The following TBC1D8B variants were observed in gnomAD, a reference collection of about 807,000 sequenced individuals.
TBC1D8B encodes the protein RP11-321G1.1.
A neutral mutation model predicts 82.9 loss-of-function variants in TBC1D8B; 75 were observed. That is an observed-to-expected ratio of 0.90 (90% CI 0.75 to 1.10). The LOEUF (loss-of-function observed/expected upper bound fraction) is 1.10, where lower values mean the gene tolerates loss of function less well. Among genes scored for constraint, TBC1D8B ranks in the 50% least tolerant of loss-of-function variants. The probability of loss-of-function intolerance (pLI) is 0.00; values close to 1 mark genes in which losing one functional copy is unlikely to be tolerated. For missense variants in TBC1D8B, 794 were observed against 796.9 expected (o/e 1.00, Z 0.04); for synonymous variants, 276 against 276.8 (o/e 1.00, Z 0.03).
chrX:106,823,592 G>A, intron 5 of TBC1D8B, 126 bp downstream of exon 5: 1 of 715,527 alleles, frequency 1.4e-6, no homozygotes, highest in Non-Finnish European at 2.0e-6. Context: ...AGTTGATTGT[G>A]GGTGTGTGTG....
Position 106,819,254 on chromosome X carries a change from G to A in TBC1D8B, c.241+481G>A, listed in dbSNP as rs775351755. Among the ~76,000 whole-genome samples, 6 of 110,858 alleles carry A rather than the reference G, an allele frequency of 5.4e-5. No individual in the cohort carries two copies. In the East Asian group the frequency reaches 1.7e-3, roughly 31 times the overall value. On this transcript the variant is annotated intron_variant, in intron 2 of 20. Transcript: ENST00000357242. The stretch of plus-strand genomic sequence containing the variant: ...TTCTCAGAAAAAGCATCATATCCTT[G>A]AAATATGAAGGAATGTCTTACAGTT...
At chrX:106,854,323 C>A (rs1375936354) in intron 14 of TBC1D8B, 27 bp downstream of exon 14, 15 of 1,010,289 alleles carry the variant, frequency 1.5e-5, no homozygotes, top group Non-Finnish European at 2.0e-5. Context: ...TGAGGAAAAA[C>A]CAGTTGGAGT....
In TBC1D8B at chrX:106,868,488, T is replaced by C. The variant is rs1932827965; in HGVS notation, c.2812+12T>C. The stretch of plus-strand genomic sequence containing the variant: ...CAGTCAGCTGCATGGTAAATACCTG[T>C]TTAAAATGTTAACTGTTTTGATGAT... On this transcript the variant is annotated intron_variant, in intron 18 of 20. Coordinates refer to ENST00000357242, the MANE Select transcript of TBC1D8B (RefSeq NM_017752.3). 5.2e-6 allele frequency: 5 copies of C among 959,217 alleles called. No individual in the cohort carries two copies. In the East Asian group the frequency reaches 1.9e-4, roughly 36 times the overall value. The allele number at this position is 959,217 out of a possible 1,213,427, so 79.1% of individuals were successfully genotyped here.
chrX:106,822,348 G>T, intron 4 of TBC1D8B, 146 bp downstream of exon 4: 1 of 494,685 alleles, frequency 2.0e-6, no homozygotes, highest in East Asian at 3.8e-5. Context: ...TCTAGGGAAA[G>T]AACTCTTTTA....
intron 12 of TBC1D8B, among the ~76,000 whole-genome samples, chrX:106,852,599 G>A (rs1270429830): frequency 5.4e-5 from 6 of 110,661 alleles, no homozygotes; most frequent in African/African-American, 2.0e-4. Flanking sequence ...TGTATAAGGT[G>A]TAAGGAAGGG....
chrX:106,853,697 G>C, intron 13 of TBC1D8B, 47 bp downstream of exon 13: 1 of 1,106,540 alleles, frequency 9.0e-7, no homozygotes, highest in South Asian at 1.9e-5. Flanking sequence ...TATTTAAAAT[G>C]ATTGAACTAT....
chrX:106,850,191 C>T lies in TBC1D8B; in HGVS notation c.2004C>T (p.Asp668=), dbSNP rs1932557868. Residue 668 remains aspartate, a synonymous_variant, in exon 12 of 21, where the codon GAC becomes GAT. Coordinates refer to ENST00000357242, the MANE Select transcript of TBC1D8B (RefSeq NM_017752.3). ...LPIESAVNVV[D]CFFYDGIKAI... Reference sequence around the variant, plus strand: ...TTGAAAGTGCAGTGAATGTGGTGGACTGTTTCTTCTATGATGGAATAAAGG... The same window carrying T: ...TTGAAAGTGCAGTGAATGTGGTGGATTGTTTCTTCTATGATGGAATAAAGG... 1 of 1,211,330 alleles carries T rather than the reference C, an allele frequency of 8.3e-7. No homozygotes were observed. The highest frequency in any genetic ancestry group is 1.1e-6 in the Non-Finnish European group (1 of 895,392).
chrX:106,820,938 C>T lies in TBC1D8B; in HGVS notation c.303C>T (p.Thr101=), dbSNP rs775470458. The T allele has an allele frequency of 3.4e-6, 4 of 1,184,191 alleles. No individual in the cohort carries two copies. The highest frequency in any genetic ancestry group is 4.5e-6 in the Non-Finnish European group (4 of 882,666). Residue 101 remains threonine, a synonymous_variant, in exon 3 of 21, where the codon ACC becomes ACT. Transcript: ENST00000357242. ...WDWLEQNIMK[T]LSVFDSNEDI... ...GGTTGGAACAAAATATTATGAAGACCTTATCTGTATTTGATTCAAATGAAG... is the reference window on the plus strand; with the variant it reads ...GGTTGGAACAAAATATTATGAAGACTTTATCTGTATTTGATTCAAATGAAG...
chrX:106,817,199 G>A (rs192800407), intron 1 of TBC1D8B, among the ~76,000 whole-genome samples: 14 of 111,240 alleles, frequency 1.3e-4, no homozygotes, highest in Admixed American at 1.2e-3. Context: ...TATCCTTATT[G>A]TGCAGCAATA....
intron 1 of TBC1D8B, among the ~76,000 whole-genome samples, chrX:106,803,444 A>G (rs1019296914): frequency 8.0e-3 from 21 of 2,637 alleles, no homozygotes; most frequent in African/African-American, 0.013. Context: ...TGGTGAGGAG[A>G]AAGGGAGGCG....
intron 19 of TBC1D8B, 148 bp downstream of exon 19, chrX:106,869,689 C>A (rs1932835761): frequency 2.9e-6 from 1 of 346,694 alleles, no homozygotes; most frequent in Admixed American, 5.4e-5. Context: ...GACCCATATT[C>A]ATTTAATTTT....
intron 7 of TBC1D8B, among the ~76,000 whole-genome samples, chrX:106,833,897 T>A (rs756581929): frequency 9.0e-5 from 10 of 111,191 alleles, no homozygotes; most frequent in African/African-American, 2.9e-4. Context: ...TGCAAAAATG[T>A]AACTCCTCGT....
intron 11 of TBC1D8B, 37 bp from the exon 12 acceptor site, chrX:106,849,988 A>G (rs1185918576): frequency 2.6e-6 from 3 of 1,147,429 alleles, no homozygotes; most frequent in African/African-American, 3.6e-5. Context: ...TCCTTTTGAA[A>G]AATGTTTATT....
intron 7 of TBC1D8B, among the ~76,000 whole-genome samples, chrX:106,830,572 T>C (rs1318328180): frequency 9.0e-6 from 1 of 110,968 alleles, no homozygotes; most frequent in African/African-American, 3.3e-5. Flanking sequence ...TAGACTGGAC[T>C]AAGAAAATAT....
At chrX:106,821,705 T>C (rs1366342119) in intron 3 of TBC1D8B, among the ~76,000 whole-genome samples, 1 of 111,982 alleles carries the variant, frequency 8.9e-6, no homozygotes, top group Admixed American at 9.5e-5. Context: ...ATCTCTAGAC[T>C]ATTCATTCCT....
At chrX:106,838,406 C>T (rs1291092480) in intron 7 of TBC1D8B, among the ~76,000 whole-genome samples, 1 of 111,386 alleles carries the variant, frequency 9.0e-6, no homozygotes, top group African/African-American at 3.3e-5. Context: ...ACCTTTTTCT[C>T]AAGGATATCT....
Position 106,849,293 on chromosome X carries a change from T to C in TBC1D8B, c.1838-732T>C, listed in dbSNP as rs200711598. 59 of 1,139,840 alleles carry C rather than the reference T, an allele frequency of 5.2e-5. No individual in the cohort carries two copies. Among genetic ancestry groups the C allele is most frequent in the East Asian group, 1.9e-4 (6 of 30,789 alleles). The allele number at this position is 1,139,840 out of a possible 1,213,427, so 93.9% of individuals were successfully genotyped here. On this transcript the variant is annotated intron_variant, in intron 11 of 20. Coordinates refer to ENST00000357242, the MANE Select transcript of TBC1D8B (RefSeq NM_017752.3). ...GTAAGAATCCAAGGACAATGTGTTA[T>C]TGGGGAGAAGTAGAAAAAGGAAAAT...
chrX:106,810,421 T>C (rs1661926120), intron 1 of TBC1D8B, among the ~76,000 whole-genome samples: 1 of 111,896 alleles, frequency 8.9e-6, no homozygotes, highest in South Asian at 3.7e-4. Flanking sequence ...ACTCAATATA[T>C]AATGCACTTA....
At chrX:106,860,958 T>A (rs1932768270) in intron 14 of TBC1D8B, among the ~76,000 whole-genome samples, 1 of 112,419 alleles carries the variant, frequency 8.9e-6, no homozygotes, top group African/African-American at 3.2e-5. Context: ...ATTTCTTGAT[T>A]TATTCCTTAG....
Sources: gnomAD v4.1 joint callset for allele counts (sites outside exome capture counted in the v4.1 genomes callset) on GRCh38, gnomAD v4.1.1 for gene constraint, MANE v1.5 for transcripts, NCBI Gene and HGNC (gene_info 2026-07-23, HGNC 2026-07-21) for gene names.